The following NOX3 variants were observed in gnomAD, a reference collection of about 807,000 sequenced individuals.
NOX3 encodes the protein NADPH oxidase 3, also known as NADPH oxidase catalytic subunit-like 3.
A neutral mutation model predicts 76.7 loss-of-function variants in NOX3; 74 were observed. The observed-to-expected ratio is 0.96, with a 90% confidence interval of 0.80 to 1.17. The LOEUF (loss-of-function observed/expected upper bound fraction) is 1.17. NOX3 is among the 50% of genes most tolerant of loss of function. The pLI, the probability that NOX3 is intolerant of heterozygous loss-of-function variation, is 0.00. For missense variants in NOX3, 695 were observed against 703.3 expected (o/e 0.99, Z 0.13); for synonymous variants, 263 against 261.1 (o/e 1.01, Z -0.07).
chr6:155,447,097 G>A (rs181175425), intron 4 of NOX3, among the ~76,000 whole-genome samples: 2 of 150,538 alleles, frequency 1.3e-5, no homozygotes, highest in East Asian at 3.9e-4. Context: ...CCAGGCCAGA[G>A]TGCAATGGCG....
intron 10 of NOX3, among the ~76,000 whole-genome samples, chr6:155,414,824 C>T (rs1776603992): frequency 6.6e-6 from 1 of 151,922 alleles, no homozygotes; most frequent in East Asian, 1.9e-4. Context: ...GATGGGATTT[C>T]ACCATGTTGG....
At chr6:155,407,304 C>G in intron 11 of NOX3, 50 bp from the exon 12 acceptor site, 1 of 1,498,286 alleles carries the variant, frequency 6.7e-7, no homozygotes, top group East Asian at 2.4e-5. Context: ...AAAAATAAGA[C>G]TTCTATAAAT....
At position 155,436,462 on chromosome 6, in the gene NOX3, C is replaced by A; in HGVS notation, c.754G>T (p.Val252Leu). The change falls in exon 7 of 14, where the codon GTG (valine) becomes TTG (leucine). Residue 252 changes from valine (V) to leucine (L), a missense_variant. Coordinates refer to ENST00000159060, the MANE Select transcript of NOX3 (RefSeq NM_015718.3). ...AATTGAGGCACGGGGCATTGGGCCACTGTCTGCCATTCTGCATAGCGGTCT... is the reference window on the plus strand; with the variant it reads ...AATTGAGGCACGGGGCATTGGGCCAATGTCTGCCATTCTGCATAGCGGTCT... ...CRDRYAEWQT[V>L]AQCPVPQFSG... 6.2e-7 allele frequency: 1 copy of A among 1,614,154 alleles called. No homozygotes were observed. The highest frequency in any genetic ancestry group is 8.5e-7 in the Non-Finnish European group (1 of 1,180,008).
At chr6:155,425,606 T>C (rs1167647519) in intron 9 of NOX3, among the ~76,000 whole-genome samples, 1 of 152,216 alleles carries the variant, frequency 6.6e-6, no homozygotes, top group Non-Finnish European at 1.5e-5. Flanking sequence ...TTTGAGCACT[T>C]ACCGTGTGCT....
At chr6:155,423,682 T>C (rs1776719934) in intron 9 of NOX3, among the ~76,000 whole-genome samples, 2 of 152,116 alleles carry the variant, frequency 1.3e-5, no homozygotes, top group South Asian at 2.1e-4. Flanking sequence ...GGCCTTTGCA[T>C]GCGATACCAT....
chr6:155,403,801 T>C (rs1779265344), intron 12 of NOX3, among the ~76,000 whole-genome samples: 1 of 152,222 alleles, frequency 6.6e-6, no homozygotes. Context: ...CCCAGTTTTA[T>C]CCTTGGTCTC....
chr6:155,396,728 A>C (rs1279585016), intron 13 of NOX3, 81 bp downstream of exon 13: 1 of 1,192,750 alleles, frequency 8.4e-7, no homozygotes, highest in Non-Finnish European at 1.2e-6. Flanking sequence ...CATACAGTGC[A>C]TAGAGCCTAA....
At chr6:155,429,942 C>T (rs1388926069) in intron 8 of NOX3, among the ~76,000 whole-genome samples, 6 of 152,144 alleles carry the variant, frequency 3.9e-5, no homozygotes, top group Admixed American at 2.0e-4. Context: ...AGTAGGTTTC[C>T]AGAAGTTTTA....
At chr6:155,451,555 C>T (rs906098971) in intron 4 of NOX3, among the ~76,000 whole-genome samples, 1 of 152,184 alleles carries the variant, frequency 6.6e-6, no homozygotes, top group African/African-American at 2.4e-5. Flanking sequence ...AAGAAATGTA[C>T]ATGCCCAAAA....
intron 11 of NOX3, among the ~76,000 whole-genome samples, chr6:155,407,913 CAATA>C (rs1406713737): frequency 3.3e-5 from 5 of 152,180 alleles, no homozygotes; most frequent in Non-Finnish European, 7.3e-5. Flanking sequence ...AGCTAGTGGT[CAATA>C]AATGACAGCC....
At chr6:155,414,056 G>A (rs1776591557) in intron 10 of NOX3, among the ~76,000 whole-genome samples, 1 of 152,056 alleles carries the variant, frequency 6.6e-6, no homozygotes, top group South Asian at 2.1e-4. Flanking sequence ...TATACTTTTT[G>A]CTTCCTCGTA....
chr6:155,432,051 T>C (rs1353877851), intron 7 of NOX3, among the ~76,000 whole-genome samples: 2 of 152,192 alleles, frequency 1.3e-5, no homozygotes, highest in Non-Finnish European at 2.9e-5. Flanking sequence ...TAATTCTTTT[T>C]TTTCTTTTTA....
Position 155,428,921 on chromosome 6 carries a change from G to A in NOX3, c.1018C>T (p.Leu340Phe). The change falls in exon 9 of 14, where the codon CTT becomes TTT. Residue 340 changes from leucine to phenylalanine, a missense_variant. Leu to Phe is a conservative substitution (Grantham distance 22, BLOSUM62 0). Transcript: ENST00000159060. ...ISSLEWHPFT[L>F]TSAPQEDFFS... is the part of the protein sequence containing the mutation. ...AAGTCCTCCTGGGGGGCAGAGGTAA[G>A]GGTGAAGGGGTGCCACTCCAGCGAA... is the stretch of plus-strand genomic sequence containing the variant. 11 of 1,614,050 alleles carry A rather than the reference G, an allele frequency of 6.8e-6. No individual in the cohort carries two copies. The highest frequency in any genetic ancestry group is 2.2e-5 in the East Asian group (1 of 44,860).
At chr6:155,429,889 T>G (rs747245409) in intron 8 of NOX3, among the ~76,000 whole-genome samples, 22 of 152,264 alleles carry the variant, frequency 1.4e-4, no homozygotes, top group Non-Finnish European at 2.2e-4. Flanking sequence ...TACTGGTATC[T>G]GTTCTGACAT....
chr6:155,453,824 A>C (rs1016259), intron 3 of NOX3, among the ~76,000 whole-genome samples: 85,695 of 151,974 alleles, frequency 0.56, 25,792 homozygotes, highest in African/African-American at 0.79. Context: ...AGGTAGTCTG[A>C]AAATTATTCC....
intron 4 of NOX3, among the ~76,000 whole-genome samples, chr6:155,448,956 C>A (rs1333712458): frequency 1.3e-5 from 2 of 152,134 alleles, no homozygotes; most frequent in Non-Finnish European, 2.9e-5. Context: ...GTAGAAGGAT[C>A]GTTGACTCTG....
chr6:155,413,150 G>C (rs1776575661), intron 10 of NOX3, among the ~76,000 whole-genome samples: 2 of 152,178 alleles, frequency 1.3e-5, no homozygotes, highest in South Asian at 4.1e-4. Flanking sequence ...AATTCGTGGA[G>C]ATTCATGTCC....
chr6:155,400,764 G>C (rs1443715353), intron 12 of NOX3, among the ~76,000 whole-genome samples: 2 of 151,888 alleles, frequency 1.3e-5, no homozygotes, highest in Non-Finnish European at 2.9e-5. Context: ...CAGGCTCACT[G>C]TTGTGATTCT....
chr6:155,430,953 G>C lies in NOX3; in HGVS notation c.799-18C>G. 1 of 1,429,760 alleles carries C rather than the reference G, an allele frequency of 7.0e-7. No individual in the cohort carries two copies. Among genetic ancestry groups the C allele is most frequent in the South Asian group, 1.2e-5 (1 of 84,748 alleles). 88.6% of individuals were successfully genotyped at this position (1,429,760 alleles called of 1,614,324 possible). Reference sequence around the variant, plus strand: ...TTCCAAGCCTGAAGAGAGTAGCAGAGAGAGAGAGAAAAAGGAAATGAAAAT... The same window carrying C: ...TTCCAAGCCTGAAGAGAGTAGCAGACAGAGAGAGAAAAAGGAAATGAAAAT... On this transcript the variant is annotated intron_variant, in intron 7 of 13. Transcript: ENST00000159060.
Sources: allele counts gnomAD v4.1 joint callset (sites outside exome capture counted in the v4.1 genomes callset), GRCh38; gene constraint gnomAD v4.1.1; transcripts MANE v1.5; gene names NCBI Gene and HGNC (gene_info 2026-07-23, HGNC 2026-07-21).